Variants in CSMD1 observed in about 807,000 individuals in gnomAD.
CSMD1 encodes the protein CUB and Sushi multiple domains 1.
Under a neutral mutation model 417.5 loss-of-function variants are expected in CSMD1, and 213 were observed. The ratio of observed to expected loss-of-function variants is 0.51; its 90% CI spans 0.46 to 0.57. The LOEUF (loss-of-function observed/expected upper bound fraction) is 0.57, where lower values mean the gene tolerates loss of function less well. CSMD1 is among the 20% of genes least tolerant of loss of function. CSMD1 has a pLI of 0.00. For missense variants in CSMD1, 6,923 were observed against 4,529.7 expected (o/e 1.53, Z -15.17); for synonymous variants, 2,862 against 1,736.8 (o/e 1.65, Z -16.11).
intron 3 of CSMD1, among the ~76,000 whole-genome samples, chr8:4,277,704 A>AT (rs1201927795): frequency 6.6e-6 from 1 of 152,138 alleles, no homozygotes; most frequent in African/African-American, 2.4e-5. Flanking sequence ...GAAACTCCTT[A>AT]AAGTGTTAAC....
chr8:3,279,581 G>C (rs938852416), intron 26 of CSMD1, among the ~76,000 whole-genome samples: 1 of 152,094 alleles, frequency 6.6e-6, no homozygotes, highest in Non-Finnish European at 1.5e-5. Flanking sequence ...GGAAATTCTA[G>C]GAAGAAGGGA....
intron 12 of CSMD1, among the ~76,000 whole-genome samples, chr8:3,459,186 G>A (rs1816338478): frequency 6.6e-6 from 1 of 152,228 alleles, no homozygotes; most frequent in Non-Finnish European, 1.5e-5. Context: ...CAGAAATTCA[G>A]TGACTTGCTC....
intron 1 of CSMD1, among the ~76,000 whole-genome samples, chr8:4,934,792 A>G (rs201049226): frequency 9.9e-5 from 15 of 151,956 alleles, no homozygotes; most frequent in East Asian, 5.8e-4. Flanking sequence ...TCAATCATCT[A>G]TTATCTATAA....
At chr8:4,002,725 G>T (rs1222176190) in intron 4 of CSMD1, among the ~76,000 whole-genome samples, 1 of 152,128 alleles carries the variant, frequency 6.6e-6, no homozygotes, top group East Asian at 1.9e-4. Flanking sequence ...ATGATTAAAT[G>T]TACATCATAA....
At chr8:4,828,753 C>T (rs1585171529) in intron 1 of CSMD1, among the ~76,000 whole-genome samples, 1 of 152,266 alleles carries the variant, frequency 6.6e-6, no homozygotes, top group East Asian at 1.9e-4. Flanking sequence ...AGGTACATTA[C>T]CTAGGCTCCT....
intron 8 of CSMD1, among the ~76,000 whole-genome samples, chr8:3,608,173 CAA>C (rs5888975): frequency 0.014 from 1,395 of 97,308 alleles, 22 homozygotes; most frequent in African/African-American, 0.047. Context: ...GAAGCCATCT[CAA>C]AAAAAAAAAA....
chr8:4,117,643 G>A (rs926407831), intron 3 of CSMD1, among the ~76,000 whole-genome samples: 15 of 152,156 alleles, frequency 9.9e-5, no homozygotes, highest in African/African-American at 3.4e-4. Flanking sequence ...ACGCTGAAGC[G>A]CCCGCACTTC....
chr8:4,725,314 A>C lies in CSMD1; in HGVS notation c.86-87756T>G, dbSNP rs75083644. 5.1e-3 allele frequency among the ~76,000 whole-genome samples: 783 copies of C among 152,286 alleles called. 10 individuals carry two copies. The highest frequency in any genetic ancestry group is 0.018 in the African/African-American group (756 of 41,566). ...ACTTTTCTTCAACACCATTTTTCCT[A>C]ATTAGCATTATCAGCATCCAGTTCT... is the stretch of plus-strand genomic sequence containing the variant. On this transcript the variant is annotated intron_variant, in intron 1 of 69. Transcript: ENST00000635120.
intron 1 of CSMD1, among the ~76,000 whole-genome samples, chr8:4,655,695 C>A (rs1804188723): frequency 6.6e-6 from 1 of 151,862 alleles, no homozygotes; most frequent in Admixed American, 6.6e-5. Context: ...GTAACTAGGA[C>A]ACGAAGAGGT....
At chr8:3,191,554 G>C (rs947286644) in intron 33 of CSMD1, among the ~76,000 whole-genome samples, 1 of 152,134 alleles carries the variant, frequency 6.6e-6, no homozygotes, top group South Asian at 2.1e-4. Flanking sequence ...GTTGCAGCAA[G>C]CAAAAACCCA....
intron 10 of CSMD1, among the ~76,000 whole-genome samples, chr8:3,497,649 C>G (rs1273748319): frequency 1.3e-5 from 2 of 152,198 alleles, no homozygotes; most frequent in Non-Finnish European, 2.9e-5. Flanking sequence ...TTTGCATGGA[C>G]TATCTCTTGT....
intron 23 of CSMD1, among the ~76,000 whole-genome samples, chr8:3,323,449 C>CCTCT (rs143993100): frequency 2.3e-4 from 34 of 150,948 alleles, no homozygotes; most frequent in African/African-American, 7.5e-4. Flanking sequence ...ATTCTGAACC[C>CCTCT]CTCTCTCTCT....
intron 26 of CSMD1, among the ~76,000 whole-genome samples, chr8:3,235,405 G>A (rs1208611004): frequency 1.3e-5 from 2 of 152,036 alleles, no homozygotes; most frequent in Admixed American, 6.5e-5. Context: ...GAATTTTAAC[G>A]GATATATCAG....
intron 5 of CSMD1, among the ~76,000 whole-genome samples, chr8:3,965,861 C>T (rs2627475): frequency 0.12 from 18,926 of 152,180 alleles, 1,241 homozygotes; most frequent in Middle Eastern, 0.16. Context: ...TCATACTGTG[C>T]CAGCCTTGGC....
rs114001330 is a variant in CSMD1, at chr8:2,971,334, A to T, written c.8923+1783T>A. ...TGTAGGACCCAATCCGAGACCACACATTGCACTTATCGGGTCTCTTAAATC... is the reference window on the plus strand; with the variant it reads ...TGTAGGACCCAATCCGAGACCACACTTTGCACTTATCGGGTCTCTTAAATC... On this transcript the variant is annotated intron_variant, in intron 57 of 69. Coordinates refer to ENST00000635120, the MANE Select transcript of CSMD1 (RefSeq NM_033225.6). 6.6e-3 allele frequency among the ~76,000 whole-genome samples: 999 copies of T among 152,258 alleles called. 13 individuals are homozygous for T. The highest frequency in any genetic ancestry group is 0.023 in the African/African-American group (944 of 41,560).
At chr8:3,565,191 T>TAGAC (rs1799650053) in intron 10 of CSMD1, among the ~76,000 whole-genome samples, 2 of 45,994 alleles carry the variant, frequency 4.3e-5, no homozygotes, top group South Asian at 8.2e-4. Context: ...GAAAGATACA[T>TAGAC]AGATAGACAG....
At position 3,950,046 on chromosome 8, in the gene CSMD1, C is replaced by G. The variant is rs141538085; in HGVS notation, c.818+47857G>C. The stretch of plus-strand genomic sequence containing the variant: ...TTTCCTGTGCGTATTTGCTGTCACG[C>G]TACAGACAGGACTGAGTTGCCAGAA... On this transcript the variant is annotated intron_variant, in intron 5 of 69. Coordinates refer to ENST00000635120, the MANE Select transcript of CSMD1 (RefSeq NM_033225.6). 6 of 455,072 alleles carry G rather than the reference C, an allele frequency of 1.3e-5. No homozygotes were observed. In the East Asian group the frequency reaches 2.8e-4, roughly 21 times the overall value. 28.2% of individuals were successfully genotyped at this position (455,072 alleles called of 1,614,324 possible). A position where few individuals can be genotyped will look rare whatever the true frequency, so the allele number is the denominator to read the frequency against.
intron 3 of CSMD1, among the ~76,000 whole-genome samples, chr8:4,345,519 G>A (rs1237305060): frequency 1.3e-5 from 2 of 152,004 alleles, no homozygotes; most frequent in Non-Finnish European, 2.9e-5. Flanking sequence ...AAAGTGAAGA[G>A]ACAACATGCA....
chr8:4,782,096 T>C (rs1563369684), intron 1 of CSMD1, among the ~76,000 whole-genome samples: 1 of 152,168 alleles, frequency 6.6e-6, no homozygotes, highest in Non-Finnish European at 1.5e-5. Context: ...AGGCTATGCC[T>C]TTTAAAAAGA....
Sources: gnomAD v4.1 joint callset for allele counts (sites outside exome capture counted in the v4.1 genomes callset) on GRCh38, gnomAD v4.1.1 for gene constraint, MANE v1.5 for transcripts, NCBI Gene and HGNC (gene_info 2026-07-23, HGNC 2026-07-21) for gene names.